UXS1: variants seen among roughly 807,000 people sequenced by gnomAD.
UXS1 encodes UDP-glucuronic acid decarboxylase 1.
In UXS1, 33 loss-of-function variants were observed where a neutral mutation model predicts 62.6. That is an observed-to-expected ratio of 0.53 (90% CI 0.40 to 0.70). UXS1 has a LOEUF of 0.70. Among genes scored for constraint, UXS1 ranks in the 30% least tolerant of loss-of-function variants. The probability of loss-of-function intolerance (pLI) is 0.00; values close to 1 mark genes in which losing one functional copy is unlikely to be tolerated. For synonymous variants in UXS1, 213 were observed against 206.8 expected (o/e 1.03, Z -0.26); for missense variants, 434 against 556.3 (o/e 0.78, Z 2.21).
intron 8 of UXS1, among the ~76,000 whole-genome samples, chr2:106,125,093 G>C (rs980290177): frequency 2.0e-5 from 3 of 152,184 alleles, no homozygotes; most frequent in African/African-American, 7.2e-5. Context: ...GGCAGTGAAG[G>C]AGAGGAAGGC....
At chr2:106,109,594 A>G (rs1161811914) in intron 10 of UXS1, among the ~76,000 whole-genome samples, 1 of 152,228 alleles carries the variant, frequency 6.6e-6, no homozygotes, top group South Asian at 2.1e-4. Context: ...CCTCTTCGAA[A>G]ATAAACTTAG....
At chr2:106,102,574 G>A (rs939402808) in intron 11 of UXS1, 3 of 152,146 alleles carry the variant, frequency 2.0e-5, no homozygotes, top group Non-Finnish European at 4.4e-5. Flanking sequence ...ATGTAAATGA[G>A]GACAAAACCG....
chr2:106,101,041 G>C lies in UXS1; in HGVS notation c.984+17C>G, dbSNP rs763896374. 7 of 1,613,768 alleles carry C rather than the reference G, an allele frequency of 4.3e-6. No individual in the cohort carries two copies. The East Asian group carries it at 8.9e-5, about 21-fold the overall frequency. Reference sequence around the variant, plus strand: ...AGTCTGAGCTGTCCTGCAGAGTGGAGGGAGAGGAGCACTCACCAGGTTGAC... The same window carrying C: ...AGTCTGAGCTGTCCTGCAGAGTGGACGGAGAGGAGCACTCACCAGGTTGAC... On this transcript the variant is annotated intron_variant, in intron 12 of 14. Coordinates refer to ENST00000283148, the MANE Select transcript of UXS1 (RefSeq NM_001253875.2).
Position 106,101,453 on chromosome 2 carries a change from C to T in UXS1, c.924-335G>A, listed in dbSNP as rs1317804553. ...ATTAAAAACTAAGCATAAGTTAAAACAGGCATACACTCAAAAAAGATGGAG... is the reference window on the plus strand; with the variant it reads ...ATTAAAAACTAAGCATAAGTTAAAATAGGCATACACTCAAAAAAGATGGAG... On this transcript the variant is annotated intron_variant, in intron 11 of 14. Coordinates refer to ENST00000283148, the MANE Select transcript of UXS1 (RefSeq NM_001253875.2). 3 of 223,818 alleles carry T rather than the reference C, an allele frequency of 1.3e-5. No individual in the cohort carries two copies. In the East Asian group the frequency reaches 3.3e-4, roughly 24 times the overall value. 13.9% of individuals were successfully genotyped at this position (223,818 alleles called of 1,614,324 possible). A position where few individuals can be genotyped will look rare whatever the true frequency, so the allele number is the denominator to read the frequency against.
Position 106,189,832 on chromosome 2 carries a change from G to A in UXS1, c.94+4316C>T, listed in dbSNP as rs567241859. ...CACTATCAATCTATCAGACATGAAGGCAGAAAATATACTTATGGGTAAAGT... is the reference window on the plus strand; with the variant it reads ...CACTATCAATCTATCAGACATGAAGACAGAAAATATACTTATGGGTAAAGT... On this transcript the variant is annotated intron_variant, in intron 1 of 14. Transcript: ENST00000283148. Among the ~76,000 whole-genome samples the A allele has an allele frequency of 8.5e-5, 13 of 152,318 alleles. No individual in the cohort carries two copies. In the South Asian group the frequency reaches 2.7e-3, roughly 32 times the overall value.
At chr2:106,158,937 T>C (rs113678166) in intron 4 of UXS1, among the ~76,000 whole-genome samples, 41 of 152,284 alleles carry the variant, frequency 2.7e-4, no homozygotes, top group African/African-American at 9.6e-4. Context: ...AGACTTGGCT[T>C]CCATGAATTG....
intron 4 of UXS1, among the ~76,000 whole-genome samples, chr2:106,158,662 T>C (rs1682654212): frequency 6.6e-6 from 1 of 152,212 alleles, no homozygotes; most frequent in Non-Finnish European, 1.5e-5. Flanking sequence ...GCCACATTCC[T>C]AAGCCGAGGT....
intron 6 of UXS1, among the ~76,000 whole-genome samples, chr2:106,144,337 T>C (rs1345415341): frequency 6.6e-6 from 1 of 152,198 alleles, no homozygotes; most frequent in Non-Finnish European, 1.5e-5. Context: ...AAATATTAGA[T>C]TAAATATTCA....
At chr2:106,136,907 TATAATA>T (rs1237098801) in intron 6 of UXS1, among the ~76,000 whole-genome samples, 6 of 112,642 alleles carry the variant, frequency 5.3e-5, no homozygotes, top group Admixed American at 9.6e-5. Context: ...AAACTTAAAG[TATAATA>T]ATAATAATAA....
chr2:106,118,215 C>G (rs1193537900), intron 9 of UXS1, among the ~76,000 whole-genome samples: 2 of 103,618 alleles, frequency 1.9e-5, no homozygotes, highest in Non-Finnish European at 4.1e-5. Flanking sequence ...CCTGGTTTGG[C>G]TGCTTACTTT....
At chr2:106,145,667 A>G (rs943720742) in intron 5 of UXS1, among the ~76,000 whole-genome samples, 9 of 152,234 alleles carry the variant, frequency 5.9e-5, no homozygotes, top group African/African-American at 2.2e-4. Flanking sequence ...AGAATTTCCC[A>G]TTAGTCAAAG....
chr2:106,138,085 T>C, intron 6 of UXS1: 1 of 756,258 alleles, frequency 1.3e-6, no homozygotes, highest in Non-Finnish European at 1.6e-6. Context: ...GACAGGAAAC[T>C]GCATTAAAGG....
chr2:106,177,703 C>T (rs1683982223), intron 1 of UXS1, among the ~76,000 whole-genome samples: 1 of 152,178 alleles, frequency 6.6e-6, no homozygotes, highest in African/African-American at 2.4e-5. Flanking sequence ...AGGAATTGGG[C>T]CCTCACCAGA....
chr2:106,194,299 T>TGG lies in UXS1; in HGVS notation c.-59_-58insCC, dbSNP rs1685138841. 1.0e-6 allele frequency: 1 copy of TGG among 964,012 alleles called. No homozygotes were observed. The allele number at this position is 964,012 out of a possible 1,614,324, so 59.7% of individuals were successfully genotyped here. ...GCGCGGGGGCCCGCCTGCTGCACAA[T>TGG]GCGCGGCGGCGGCGGCGGCAGCGGC... On this transcript the variant is annotated 5_prime_UTR_variant, in exon 1 of 15. Coordinates refer to ENST00000283148, the MANE Select transcript of UXS1 (RefSeq NM_001253875.2).
intron 11 of UXS1, chr2:106,101,391 GC>G: frequency 2.5e-6 from 1 of 396,612 alleles, no homozygotes; most frequent in Non-Finnish European, 4.5e-6. Context: ...GAGTGATGGG[GC>G]TGAGTTCGCC....
At chr2:106,139,586 C>G (rs1288514015) in intron 6 of UXS1, among the ~76,000 whole-genome samples, 1 of 152,246 alleles carries the variant, frequency 6.6e-6, no homozygotes, top group Non-Finnish European at 1.5e-5. Flanking sequence ...CCTGAAACCA[C>G]TGTTCAGAAC....
intron 11 of UXS1, chr2:106,102,624 T>C (rs985964706): frequency 3.9e-5 from 6 of 152,184 alleles, no homozygotes; most frequent in African/African-American, 9.7e-5. Flanking sequence ...AAAATGCCGA[T>C]GCGGATGGCC....
chr2:106,142,103 C>T (rs377438954), intron 6 of UXS1, among the ~76,000 whole-genome samples: 77 of 152,274 alleles, frequency 5.1e-4, no homozygotes, highest in African/African-American at 1.6e-3. Flanking sequence ...AACTCCTGAG[C>T]TCAAATGATC....
intron 6 of UXS1, among the ~76,000 whole-genome samples, chr2:106,139,622 C>G (rs1477779936): frequency 6.6e-6 from 1 of 152,226 alleles, no homozygotes; most frequent in East Asian, 1.9e-4. Context: ...ACATTTTCTT[C>G]TACCAAAGGG....
Sources: gnomAD v4.1 joint callset for allele counts (sites outside exome capture counted in the v4.1 genomes callset) on GRCh38, gnomAD v4.1.1 for gene constraint, MANE v1.5 for transcripts, NCBI Gene and HGNC (gene_info 2026-07-23, HGNC 2026-07-21) for gene names.